Variants in ECE1 observed in about 807,000 individuals in gnomAD.
ECE1 encodes the protein endothelin converting enzyme 1, also known as endothelin-converting enzyme 1.
In ECE1, 35 loss-of-function variants were observed where a neutral mutation model predicts 98.6. That is an observed-to-expected ratio of 0.35 (90% CI 0.27 to 0.47). ECE1 has a LOEUF of 0.47. Ranked by LOEUF, ECE1 falls within the 20% of genes least tolerant of loss-of-function variation. ECE1 has a pLI of 1.00. For missense variants in ECE1, 814 were observed against 1,025.3 expected (o/e 0.79, Z 2.81); for synonymous variants, 394 against 407.1 (o/e 0.97, Z 0.39).
chr1:21,306,493 C>A (rs1461226044), intron 1 of ECE1, among the ~76,000 whole-genome samples: 1 of 152,046 alleles, frequency 6.6e-6, no homozygotes, highest in Non-Finnish European at 1.5e-5. Context: ...CCCACCACCA[C>A]GCCTGGCTAA....
intron 1 of ECE1, among the ~76,000 whole-genome samples, chr1:21,317,982 G>A (rs945024997): frequency 1.3e-5 from 2 of 152,214 alleles, no homozygotes; most frequent in East Asian, 1.9e-4. Flanking sequence ...TCTCGAAGTG[G>A]GGACAAAACA....
At position 21,258,543 on chromosome 1, in the gene ECE1, TG is replaced by T. The variant is rs1212537819; in HGVS notation, c.762+149del. On this transcript the variant is annotated intron_variant, in intron 6 of 18. Transcript: ENST00000374893. This position sits in a 1 kb window ranked among gnomAD's most constrained non-coding sequence, Gnocchi z 4.2. ...CAGCAGCCTGCAAAGATCTCACCAGTGGGGCCTCTGGAAATAACCCAGGCTC... is the reference window on the plus strand; with the variant it reads ...CAGCAGCCTGCAAAGATCTCACCAGTGGGCCTCTGGAAATAACCCAGGCTC... The T allele has an allele frequency of 1.6e-6, 2 of 1,265,312 alleles. No homozygotes were observed. Among genetic ancestry groups the T allele is most frequent in the Admixed American group, 2.0e-5 (1 of 50,522 alleles). The allele number at this position is 1,265,312 out of a possible 1,614,324, so 78.4% of individuals were successfully genotyped here.
At chr1:21,294,771 T>C (rs1414966724), upstream of ECE1, among the ~76,000 whole-genome samples, 2 of 152,186 alleles carry the variant, frequency 1.3e-5, no homozygotes, top group African/African-American at 4.8e-5. The surrounding 1 kb of genome is among the most constrained non-coding windows in gnomAD (Gnocchi z 4.2). Flanking sequence ...TTAAGTCATC[T>C]TGGGGTGATG....
In ECE1 at chr1:21,258,941, C is replaced by A; in HGVS notation, c.616-102G>T. ...ACTTGCTCTGTGACCCTGGAGCAGT[C>A]GCCTGACCTCTCTGAGCCTCAAGAG... On this transcript the variant is annotated intron_variant, in intron 5 of 18. Coordinates refer to ENST00000374893, the MANE Select transcript of ECE1 (RefSeq NM_001397.3). The surrounding 1 kb of genome is among the most constrained non-coding windows in gnomAD (Gnocchi z 4.2). The A allele has an allele frequency of 2.0e-6, 3 of 1,491,346 alleles. No individual in the cohort carries two copies. Among genetic ancestry groups the A allele is most frequent in the Non-Finnish European group, 2.7e-6 (3 of 1,095,098 alleles). 92.4% of individuals were successfully genotyped at this position (1,491,346 alleles called of 1,614,324 possible). A position where few individuals can be genotyped will look rare whatever the true frequency, so the allele number is the denominator to read the frequency against.
At chr1:21,263,225 G>T (rs1376094250) in intron 4 of ECE1, among the ~76,000 whole-genome samples, 1 of 152,200 alleles carries the variant, frequency 6.6e-6, no homozygotes, top group Non-Finnish European at 1.5e-5. Context: ...CCTGGATAGG[G>T]ACCTAGTAGG....
Position 21,327,817 on chromosome 1 carries a change from CGCCTGAGCTCT to C in ECE1, c.3+17548_3+17558del, listed in dbSNP as rs1281912359. Reference sequence around the variant, plus strand: ...GAGGTGAGCTGTGGGTGGACATTACCGCCTGAGCTCTGCCTTCGGTCAGATCAGCGGTGGCA... The same window carrying C: ...GAGGTGAGCTGTGGGTGGACATTACCGCCTTCGGTCAGATCAGCGGTGGCA... On this transcript the variant is annotated intron_variant, in intron 1 of 18. Transcript: ENST00000415912. This position sits in a 1 kb window ranked among gnomAD's most constrained non-coding sequence, Gnocchi z 4.6. Among the ~76,000 whole-genome samples, 2 of 152,150 alleles carry C rather than the reference CGCCTGAGCTCT, an allele frequency of 1.3e-5. No individual in the cohort carries two copies. The highest frequency in any genetic ancestry group is 1.3e-4 in the Admixed American group (2 of 15,278).
chr1:21,263,518 G>A (rs1159906240), intron 4 of ECE1, among the ~76,000 whole-genome samples: 1 of 152,024 alleles, frequency 6.6e-6, no homozygotes, highest in South Asian at 2.1e-4. Context: ...CACCACGCCT[G>A]GCTAATTTTT....
chr1:21,233,476 G>T lies in ECE1; in HGVS notation c.1670+82C>A. ...ATAGCTGATCGGGTGCACAGTGAGG[G>T]TGCAATGAAGGCCAGTTCGTCCCAA... On this transcript the variant is annotated intron_variant, in intron 14 of 18. Coordinates refer to ENST00000374893, the MANE Select transcript of ECE1 (RefSeq NM_001397.3). The surrounding 1 kb of genome is among the most constrained non-coding windows in gnomAD (Gnocchi z 4.0). 1 of 1,251,194 alleles carries T rather than the reference G, an allele frequency of 8.0e-7. No individual in the cohort carries two copies. Among genetic ancestry groups the T allele is most frequent in the Non-Finnish European group, 1.2e-6 (1 of 860,302 alleles). The allele number at this position is 1,251,194 out of a possible 1,614,324, so 77.5% of individuals were successfully genotyped here.
At chr1:21,324,381 C>T (rs1476484737) in intron 1 of ECE1, among the ~76,000 whole-genome samples, 2 of 152,188 alleles carry the variant, frequency 1.3e-5, no homozygotes, top group Non-Finnish European at 2.9e-5. Flanking sequence ...TCCATCAGTG[C>T]GGGACTGACA....
intron 2 of ECE1, among the ~76,000 whole-genome samples, chr1:21,284,466 G>T (rs1165097474): frequency 6.6e-6 from 1 of 152,150 alleles, no homozygotes; most frequent in Non-Finnish European, 1.5e-5. Context: ...GAAGGAGGGG[G>T]TGCCCTCAAA....
intron 1 of ECE1, chr1:21,298,612 C>T (rs571786899): frequency 1.9e-4 from 76 of 395,352 alleles, no homozygotes; most frequent in Admixed American, 5.8e-4. Flanking sequence ...AGAGAAGACC[C>T]GTGGTGTGCC....
chr1:21,345,264 G>C lies in ECE1; in HGVS notation c.3+112C>G. On this transcript the variant is annotated intron_variant, in intron 1 of 18. Coordinates refer to the ECE1 transcript ENST00000415912. The surrounding 1 kb of genome is among the most constrained non-coding windows in gnomAD (Gnocchi z 5.1). ...CCGGGCGGGGGCTGCTGCTGCAGCC[G>C]GCGCCCAGCCCCCCGCGAGCCAGGG... is the stretch of plus-strand genomic sequence containing the variant. 8.4e-7 allele frequency: 1 copy of C among 1,192,082 alleles called. No individual in the cohort carries two copies. The highest frequency in any genetic ancestry group is 4.6e-5 in the Admixed American group (1 of 21,764). 73.8% of individuals were successfully genotyped at this position (1,192,082 alleles called of 1,614,324 possible).
intron 10 of ECE1, among the ~76,000 whole-genome samples, chr1:21,242,691 T>G (rs756467530): frequency 1.3e-5 from 2 of 152,206 alleles, no homozygotes; most frequent in Non-Finnish European, 2.9e-5. Flanking sequence ...GGCCTCCCTG[T>G]GCCCCACTTG....
chr1:21,236,910 C>A, intron 11 of ECE1, 66 bp from the exon 12 acceptor site: 1 of 1,390,100 alleles, frequency 7.2e-7, no homozygotes, highest in Non-Finnish European at 1.0e-6. Context: ...AACAGGCACC[C>A]CGTGCAGAAC....
chr1:21,239,574 G>A (rs971912122), intron 10 of ECE1, among the ~76,000 whole-genome samples: 2 of 152,052 alleles, frequency 1.3e-5, no homozygotes, highest in South Asian at 2.1e-4. Context: ...TGATATATAC[G>A]ACAGCATGGA....
At chr1:21,296,428 G>A (rs777791870) in intron 1 of ECE1, among the ~76,000 whole-genome samples, 2 of 152,112 alleles carry the variant, frequency 1.3e-5, no homozygotes, top group Non-Finnish European at 2.9e-5. Flanking sequence ...TGGAAGGATT[G>A]CTTGAGCCTA....
chr1:21,334,511 C>T (rs893050865), intron 1 of ECE1, among the ~76,000 whole-genome samples: 6 of 152,246 alleles, frequency 3.9e-5, no homozygotes, highest in Non-Finnish European at 7.3e-5. Flanking sequence ...CATCCCCTTG[C>T]GGCCATCACT....
intron 3 of ECE1, 54 bp downstream of exon 3, chr1:21,279,137 C>T (rs561164251): frequency 4.7e-5 from 76 of 1,613,736 alleles, no homozygotes; most frequent in African/African-American, 2.3e-4. Flanking sequence ...CCCGAGCTGA[C>T]GGAGCCGGGT....
At position 21,260,132 on chromosome 1, in the gene ECE1, CTCTCTT is replaced by C. The variant is rs1259807190; in HGVS notation, c.615+133_615+138del. 1 of 1,340,508 alleles carries C rather than the reference CTCTCTT, an allele frequency of 7.5e-7. No homozygotes were observed. The highest frequency in any genetic ancestry group is 1.4e-5 in the African/African-American group (1 of 69,748). 83.0% of individuals were successfully genotyped at this position (1,340,508 alleles called of 1,614,324 possible). ...ACATGTGCTCTCGCACACTCGCTCT[CTCTCTT>C]TCTGTCTTTCTCTTGGTGCTACCGG... On this transcript the variant is annotated intron_variant, in intron 5 of 18. Coordinates refer to ENST00000374893, the MANE Select transcript of ECE1 (RefSeq NM_001397.3). The surrounding 1 kb of genome is among the most constrained non-coding windows in gnomAD (Gnocchi z 4.3).
Sources: allele counts gnomAD v4.1 joint callset (sites outside exome capture counted in the v4.1 genomes callset), GRCh38; gene constraint gnomAD v4.1.1; non-coding constraint Gnocchi (gnomAD v3.1); transcripts MANE v1.5; gene names NCBI Gene and HGNC (gene_info 2026-07-23, HGNC 2026-07-21).